CACNB2: variants seen among roughly 807,000 people sequenced by gnomAD.
CACNB2 encodes voltage-dependent L-type calcium channel subunit beta-2.
A neutral mutation model predicts 73.3 loss-of-function variants in CACNB2; 42 were observed. The observed-to-expected ratio is 0.57, with a 90% CI of 0.45 to 0.74. The LOEUF (loss-of-function observed/expected upper bound fraction) is 0.74, where lower values mean the gene tolerates loss of function less well. Among genes scored for constraint, CACNB2 ranks in the 30% least tolerant of loss-of-function variants. CACNB2 has a pLI of 0.00. For synonymous variants in CACNB2, 348 were observed against 310.3 expected, an observed-to-expected ratio of 1.12 and a Z score of -1.28; for missense variants, 940 against 853.0, an observed-to-expected ratio of 1.10 and a Z score of -1.27.
intron 3 of CACNB2, among the ~76,000 whole-genome samples, chr10:18,411,655 C>T (rs902356851): frequency 6.6e-6 from 1 of 152,010 alleles, no homozygotes; most frequent in East Asian, 1.9e-4. Flanking sequence ...ATTGCAGGCA[C>T]CTGCCACCAT....
chr10:18,371,164 CAT>C lies in CACNB2; in HGVS notation c.214-30759_214-30758del, dbSNP rs1327237655. 1.1e-4 allele frequency among the ~76,000 whole-genome samples: 16 copies of C among 152,112 alleles called. No individual in the cohort carries two copies. The East Asian group carries it at 1.5e-3, about 15-fold the overall frequency. ...ACAAAAATATTATCTCATTCTTAAA[CAT>C]GTGCATATTTCTGATTACTGTTAAG... On this transcript the variant is annotated intron_variant, in intron 2 of 13. Transcript: ENST00000324631.
chr10:18,348,357 A>G (rs1438740219), intron 2 of CACNB2, among the ~76,000 whole-genome samples: 1 of 152,238 alleles, frequency 6.6e-6, no homozygotes, highest in East Asian at 1.9e-4. Flanking sequence ...TCTCTTTAAA[A>G]TGATTTAATT....
intron 2 of CACNB2, among the ~76,000 whole-genome samples, chr10:18,328,513 T>A (rs1405668864): frequency 6.6e-6 from 1 of 152,214 alleles, no homozygotes; most frequent in African/African-American, 2.4e-5. Flanking sequence ...ATAACCACTA[T>A]TATACTTAAG....
At chr10:18,186,786 G>C (rs1279464768) in intron 2 of CACNB2, among the ~76,000 whole-genome samples, 1 of 152,118 alleles carries the variant, frequency 6.6e-6, no homozygotes, top group Non-Finnish European at 1.5e-5. Context: ...CTAACACTGA[G>C]GATTACAATT....
chr10:18,404,715 G>A (rs1014750627), intron 3 of CACNB2, among the ~76,000 whole-genome samples: 10 of 152,122 alleles, frequency 6.6e-5, no homozygotes, highest in Non-Finnish European at 1.0e-4. Flanking sequence ...TCCACTAATT[G>A]CCTAATAATA....
At chr10:18,347,631 G>A (rs947648716) in intron 2 of CACNB2, among the ~76,000 whole-genome samples, 2 of 151,920 alleles carry the variant, frequency 1.3e-5, no homozygotes, top group African/African-American at 2.4e-5. Context: ...GGCTATAAAA[G>A]CCTATACAGG....
intron 2 of CACNB2, among the ~76,000 whole-genome samples, chr10:18,347,159 A>T (rs2041493830): frequency 6.6e-6 from 1 of 151,660 alleles, no homozygotes; most frequent in Non-Finnish European, 1.5e-5. Context: ...GGACAAGAAC[A>T]AGATTTTATT....
chr10:18,500,698 T>G, intron 4 of CACNB2, 114 bp from the exon 5 acceptor site: 3 of 1,057,644 alleles, frequency 2.8e-6, no homozygotes, highest in South Asian at 2.6e-5. Flanking sequence ...AATGATAATA[T>G]TTAAGGCATA....
At chr10:18,463,369 A>T (rs574109499) in intron 3 of CACNB2, among the ~76,000 whole-genome samples, 1 of 151,966 alleles carries the variant, frequency 6.6e-6, no homozygotes, top group African/African-American at 2.4e-5. Context: ...ATTAAAAAAA[A>T]AAAGTTTTTG....
intron 2 of CACNB2, among the ~76,000 whole-genome samples, chr10:18,194,491 A>C (rs1377736305): frequency 6.6e-6 from 1 of 152,160 alleles, no homozygotes; most frequent in East Asian, 1.9e-4. Flanking sequence ...ACAATTTGTA[A>C]TTATCAGGTA....
intron 2 of CACNB2, among the ~76,000 whole-genome samples, chr10:18,187,860 C>T (rs770609899): frequency 6.6e-6 from 1 of 152,072 alleles, no homozygotes; most frequent in Non-Finnish European, 1.5e-5. Flanking sequence ...TAATCTCTGG[C>T]CTTCAAAATG....
At chr10:18,410,118 T>A (rs2044536390) in intron 3 of CACNB2, among the ~76,000 whole-genome samples, 1 of 152,176 alleles carries the variant, frequency 6.6e-6, no homozygotes, top group African/African-American at 2.4e-5. Flanking sequence ...GCCCTGCAGC[T>A]GCAATCAGCT....
At chr10:18,408,937 C>T (rs974835748) in intron 3 of CACNB2, among the ~76,000 whole-genome samples, 3 of 152,138 alleles carry the variant, frequency 2.0e-5, no homozygotes, top group African/African-American at 7.2e-5. Context: ...ACTGCATCCT[C>T]GAGCTCCTGG....
chr10:18,163,765 G>C (rs986049402), intron 2 of CACNB2, among the ~76,000 whole-genome samples: 6 of 152,166 alleles, frequency 3.9e-5, no homozygotes, highest in African/African-American at 1.4e-4. Flanking sequence ...GGTAGAGTGG[G>C]TGGGAATGGA....
intron 2 of CACNB2, among the ~76,000 whole-genome samples, chr10:18,393,172 G>T (rs1217103902): frequency 9.1e-6 from 1 of 109,302 alleles, no homozygotes; most frequent in Non-Finnish European, 1.9e-5. Flanking sequence ...TCGCCCCATT[G>T]TACTCCAGCC....
intron 2 of CACNB2, among the ~76,000 whole-genome samples, chr10:18,302,795 AC>A (rs1288479486): frequency 1.3e-5 from 2 of 152,160 alleles, no homozygotes; most frequent in Non-Finnish European, 2.9e-5. Context: ...CTCACACATC[AC>A]CACTAAAGAA....
At chr10:18,283,902 A>G (rs956596727) in intron 2 of CACNB2, among the ~76,000 whole-genome samples, 1 of 152,226 alleles carries the variant, frequency 6.6e-6, no homozygotes, top group Non-Finnish European at 1.5e-5. Context: ...ACTAACCATT[A>G]ATATGCAAAG....
intron 10 of CACNB2, among the ~76,000 whole-genome samples, chr10:18,530,316 G>A (rs2052873414): frequency 6.6e-6 from 1 of 152,138 alleles, no homozygotes; most frequent in African/African-American, 2.4e-5. Context: ...GGACACAAAA[G>A]TGAAGGACAC....
chr10:18,398,374 A>G (rs1181292584), intron 2 of CACNB2, among the ~76,000 whole-genome samples: 1 of 152,056 alleles, frequency 6.6e-6, no homozygotes. Context: ...ATAACGAAAA[A>G]TATTTTGAGG....
Sources: allele counts gnomAD v4.1 joint callset (sites outside exome capture counted in the v4.1 genomes callset), GRCh38; gene constraint gnomAD v4.1.1; transcripts MANE v1.5; gene names NCBI Gene and HGNC (gene_info 2026-07-23, HGNC 2026-07-21).